The following ADGRB1 variants were observed in gnomAD, a reference collection of about 807,000 sequenced individuals.
The protein encoded by ADGRB1 is brain-specific angiogenesis inhibitor 1.
In ADGRB1, 36 loss-of-function variants were observed where a neutral mutation model predicts 175.7. The observed-to-expected ratio is 0.20, with a 90% CI of 0.16 to 0.27. The LOEUF (loss-of-function observed/expected upper bound fraction) is 0.27, where lower values mean the gene tolerates loss of function less well. Among genes scored for constraint, ADGRB1 ranks in the 10% least tolerant of loss-of-function variants. The pLI is 1.00. For missense variants in ADGRB1, 1,731 were observed against 2,255.3 expected (o/e 0.77, Z 4.71); for synonymous variants, 1,054 against 979.4 (o/e 1.08, Z -1.42).
In ADGRB1 at chr8:142,537,467, C is replaced by T. The variant is rs1032743276; in HGVS notation, c.3666+385C>T. Among the ~76,000 whole-genome samples, 1 of 152,058 alleles carries T rather than the reference C, an allele frequency of 6.6e-6. No individual in the cohort carries two copies. Among genetic ancestry groups the T allele is most frequent in the African/African-American group, 2.4e-5 (1 of 41,388 alleles). ...TCCATCCCCACCCAGGAAAGTCCTG[C>T]TCAGCTGCCACCTAGGGGTCCAGCC... is the stretch of plus-strand genomic sequence containing the variant. On this transcript the variant is annotated intron_variant, in intron 26 of 30. Coordinates refer to ENST00000517894, the MANE Select transcript of ADGRB1 (RefSeq NM_001702.3). The surrounding 1 kb of genome is among the most constrained non-coding windows in gnomAD (Gnocchi z 4.6).
In ADGRB1 at chr8:142,522,073, C is replaced by A; in HGVS notation, c.3133C>A (p.Arg1045=). The change falls in exon 21 of 31, where the codon CGG becomes AGG. Residue 1045 remains arginine (R), a synonymous_variant. Transcript: ENST00000517894. Reference sequence around the variant, plus strand: ...CTACATGGCGGTGACGGGCCACCTCCGGAACCGCCTCATCCGCAAGCGCTT... The same window carrying A: ...CTACATGGCGGTGACGGGCCACCTCAGGAACCGCCTCATCCGCAAGCGCTT... ...QSYMAVTGHL[R]NRLIRKRFLC... 11 of 1,612,404 alleles carry A rather than the reference C, an allele frequency of 6.8e-6. No individual in the cohort carries two copies. The highest frequency in any genetic ancestry group is 9.3e-6 in the Non-Finnish European group (11 of 1,179,668).
intron 13 of ADGRB1, among the ~76,000 whole-genome samples, chr8:142,486,801 T>C (rs1299610264): frequency 6.6e-6 from 1 of 152,172 alleles, no homozygotes; most frequent in East Asian, 1.9e-4. Context: ...GGAGGATCGC[T>C]TGAGCCCAGG....
At chr8:142,451,071 G>A (rs1004825896) in intron 1 of ADGRB1, among the ~76,000 whole-genome samples, 1 of 152,174 alleles carries the variant, frequency 6.6e-6, no homozygotes, top group Non-Finnish European at 1.5e-5. Context: ...TGGGGAGGCT[G>A]GGAGCTCTGG....
intron 12 of ADGRB1, among the ~76,000 whole-genome samples, chr8:142,484,326 C>T (rs537871019): frequency 6.6e-6 from 1 of 152,296 alleles, no homozygotes; most frequent in East Asian, 1.9e-4. Flanking sequence ...GACATAGAGC[C>T]CTCCTCATGT....
intron 17 of ADGRB1, among the ~76,000 whole-genome samples, chr8:142,508,640 A>G (rs1842945218): frequency 6.6e-6 from 1 of 152,202 alleles, no homozygotes; most frequent in Non-Finnish European, 1.5e-5. Context: ...CCTGGCCGCC[A>G]TCGCAGTGGC....
At chr8:142,521,030 G>T in intron 20 of ADGRB1, 105 bp downstream of exon 20, 2 of 1,137,644 alleles carry the variant, frequency 1.8e-6, no homozygotes, top group South Asian at 2.9e-5. Flanking sequence ...ACTCAGGCAG[G>T]CGGGTGTGGG....
Position 142,455,343 on chromosome 8 carries a change from C to G in ADGRB1, c.-220+5239C>G, listed in dbSNP as rs1251279174. Among the ~76,000 whole-genome samples the G allele has an allele frequency of 2.0e-5, 3 of 152,088 alleles. No individual in the cohort carries two copies. Among genetic ancestry groups the G allele is most frequent in the African/African-American group, 7.2e-5 (3 of 41,410 alleles). On this transcript the variant is annotated intron_variant, in intron 1 of 30. Coordinates refer to ENST00000517894, the MANE Select transcript of ADGRB1 (RefSeq NM_001702.3). The surrounding 1 kb of genome is among the most constrained non-coding windows in gnomAD (Gnocchi z 4.9). The stretch of plus-strand genomic sequence containing the variant: ...CCCCACCTTAGGCTCCTGTCCCCTT[C>G]ACTCGCCCCCATGGCTGTCCTCCTG...
chr8:142,478,986 C>T (rs1295534691), intron 7 of ADGRB1: 4 of 182,124 alleles, frequency 2.2e-5, no homozygotes, highest in Admixed American at 1.6e-4. Context: ...GTGGGGTGGC[C>T]GTGGAGTAGC....
intron 2 of ADGRB1, among the ~76,000 whole-genome samples, chr8:142,475,023 T>G (rs1840876036): frequency 6.6e-6 from 1 of 152,068 alleles, no homozygotes; most frequent in Non-Finnish European, 1.5e-5. Flanking sequence ...GTGGTGACCC[T>G]CCGCTGAGCC....
At chr8:142,516,249 C>A (rs1265191346) in intron 18 of ADGRB1, among the ~76,000 whole-genome samples, 1 of 131,408 alleles carries the variant, frequency 7.6e-6, no homozygotes, top group Non-Finnish European at 1.6e-5. Flanking sequence ...GTGTGCGGGC[C>A]CCAGGTGCGT....
At chr8:142,513,202 C>T (rs889660389) in intron 18 of ADGRB1, among the ~76,000 whole-genome samples, 1 of 152,196 alleles carries the variant, frequency 6.6e-6, no homozygotes, top group African/African-American at 2.4e-5. Context: ...CGAGGGCGGG[C>T]TGCCTGGACC....
chr8:142,466,419 G>A (rs562232541), intron 2 of ADGRB1, among the ~76,000 whole-genome samples: 7 of 152,352 alleles, frequency 4.6e-5, no homozygotes, highest in East Asian at 3.9e-4. Flanking sequence ...CTGTGAGGCC[G>A]TGAGTGGGGC....
At chr8:142,533,721 C>T (rs936774831) in intron 25 of ADGRB1, among the ~76,000 whole-genome samples, 3 of 152,118 alleles carry the variant, frequency 2.0e-5, no homozygotes, top group Admixed American at 6.5e-5. Context: ...GGCTTGGGGG[C>T]GTGGGGGACG....
At chr8:142,491,461 G>A (rs2131888887) in intron 17 of ADGRB1, among the ~76,000 whole-genome samples, 1 of 152,358 alleles carries the variant, frequency 6.6e-6, no homozygotes, top group East Asian at 1.9e-4. Flanking sequence ...AGACAGCAAG[G>A]TGGGGGCAGC....
rs140966046 is a variant in ADGRB1, at chr8:142,541,057, G to A, written c.3707-884G>A. 2.8e-4 allele frequency among the ~76,000 whole-genome samples: 43 copies of A among 152,168 alleles called. 2 individuals carry two copies. The highest frequency in any genetic ancestry group is 1.9e-3 in the Admixed American group (29 of 15,302). On this transcript the variant is annotated intron_variant, in intron 27 of 30. Coordinates refer to ENST00000517894, the MANE Select transcript of ADGRB1 (RefSeq NM_001702.3). ...CACAGGCACCCAGGGCTGGCTTGGC[G>A]TGGTGGGTAACCATCTGCCAGCCTG...
intron 1 of ADGRB1, among the ~76,000 whole-genome samples, chr8:142,450,433 C>G (rs1432655311): frequency 6.6e-6 from 1 of 152,148 alleles, no homozygotes; most frequent in African/African-American, 2.4e-5. Context: ...CCTGGCACCC[C>G]TCTTCATCAC....
Position 142,542,124 on chromosome 8 carries a change from G to A in ADGRB1, c.3890G>A (p.Gly1297Glu). Residue 1297 changes from glycine (G) to glutamate (E), a missense_variant, in exon 28 of 31, where the codon GGG (glycine) becomes GAG (glutamate). By Grantham distance (98) the Gly-to-Glu change is moderately conservative (BLOSUM62 -2). Transcript: ENST00000517894. This position sits in a 1 kb window ranked among gnomAD's most constrained non-coding sequence, Gnocchi z 6.3. The stretch of plus-strand genomic sequence containing the variant: ...CACGGCTCACCCCGCTATCCCGGCG[G>A]GCCCCTGCCCGACTTCCCCAACCAC... ...HLHGSPRYPG[G>E]PLPDFPNHSL... is the part of the protein sequence containing the mutation. 1 of 1,613,514 alleles carries A rather than the reference G, an allele frequency of 6.2e-7. No individual in the cohort carries two copies. Among genetic ancestry groups the A allele is most frequent in the South Asian group, 1.1e-5 (1 of 91,084 alleles).
At chr8:142,525,667 T>A (rs1241679676) in intron 23 of ADGRB1, among the ~76,000 whole-genome samples, 1 of 152,158 alleles carries the variant, frequency 6.6e-6, no homozygotes, top group Non-Finnish European at 1.5e-5. Context: ...AGCCCTGAGC[T>A]GGAGGGCTAC....
chr8:142,535,722 A>G (rs561584225), intron 25 of ADGRB1, among the ~76,000 whole-genome samples: 3 of 151,708 alleles, frequency 2.0e-5, no homozygotes, highest in East Asian at 3.9e-4. Flanking sequence ...TACCAGAGGG[A>G]CTTGGGGAGC....
Sources: gnomAD v4.1 joint callset for allele counts (sites outside exome capture counted in the v4.1 genomes callset) on GRCh38, gnomAD v4.1.1 for gene constraint, Gnocchi (gnomAD v3.1) non-coding constraint, MANE v1.5 for transcripts, NCBI Gene and HGNC (gene_info 2026-07-23, HGNC 2026-07-21) for gene names.